ESRRG: variants seen among roughly 807,000 people sequenced by gnomAD.
ESRRG encodes the protein estrogen related receptor gamma.
Under a neutral mutation model 44.0 loss-of-function variants are expected in ESRRG, and 13 were observed. The observed-to-expected ratio is 0.30, with a 90% CI of 0.19 to 0.47. ESRRG has a LOEUF of 0.47. ESRRG is among the 20% of genes least tolerant of loss of function. The pLI is 1.00. For missense variants in ESRRG, 395 were observed against 580.6 expected (o/e 0.68, Z 3.29); for synonymous variants, 215 against 214.6 (o/e 1.00, Z -0.02).
intron 3 of ESRRG, among the ~76,000 whole-genome samples, chr1:216,602,910 C>A (rs941054252): frequency 6.6e-6 from 1 of 152,062 alleles, no homozygotes. Context: ...TAAGACAAAA[C>A]AGTTTTTCAG....
At chr1:216,946,999 A>T (rs1012786210) in intron 1 of ESRRG, among the ~76,000 whole-genome samples, 1 of 151,992 alleles carries the variant, frequency 6.6e-6, no homozygotes, top group Non-Finnish European at 1.5e-5. Context: ...ACCCAGCCTG[A>T]TTTCTTTGCT....
intron 1 of ESRRG, among the ~76,000 whole-genome samples, chr1:216,943,279 C>A (rs956897184): frequency 6.6e-6 from 1 of 152,144 alleles, no homozygotes; most frequent in Non-Finnish European, 1.5e-5. Flanking sequence ...CCTTCACTCA[C>A]AAAGTCAGTG....
In ESRRG at chr1:216,683,665, A is replaced by T. The variant is rs978781305; in HGVS notation, c.57-6174T>A. Among the ~76,000 whole-genome samples the T allele has an allele frequency of 1.6e-3, 250 of 152,314 alleles. 2 individuals carry two copies. The highest frequency in any genetic ancestry group is 6.0e-3 in the African/African-American group (249 of 41,572). On this transcript the variant is annotated intron_variant, in intron 1 of 6. Coordinates refer to ENST00000408911, the MANE Select transcript of ESRRG (RefSeq NM_001438.4). ...GCTGCAAGCAAAAAGGAAATTCAGT[A>T]CAAGTAATCAAGACCTTCAACTCAT...
Position 216,522,336 on chromosome 1 carries a change from C to T in ESRRG, c.863-2915G>A, listed in dbSNP as rs190040983. Among the ~76,000 whole-genome samples, 9 of 116,522 alleles carry T rather than the reference C, an allele frequency of 7.7e-5. No homozygotes were observed. The East Asian group carries it at 2.3e-3, about 30-fold the overall frequency. 76.4% of individuals were successfully genotyped at this position (116,522 alleles called of 152,430 possible). ...TAGCACAAAAGGTTTGACACATTTG[C>T]TTGATTGATATCCTCAAGTATATTT... On this transcript the variant is annotated intron_variant, in intron 5 of 6. Coordinates refer to ENST00000408911, the MANE Select transcript of ESRRG (RefSeq NM_001438.4).
intron 2 of ESRRG, among the ~76,000 whole-genome samples, chr1:216,774,842 G>A (rs1179038947): frequency 8.6e-5 from 11 of 127,210 alleles, no homozygotes. Flanking sequence ...CAACCAGGCT[G>A]GAGTGCTGGA....
chr1:216,628,024 T>C (rs1467019637), intron 3 of ESRRG, among the ~76,000 whole-genome samples: 1 of 152,208 alleles, frequency 6.6e-6, no homozygotes, highest in African/African-American at 2.4e-5. Flanking sequence ...GCGTATGAAC[T>C]ACACAATCAA....
intron 1 of ESRRG, among the ~76,000 whole-genome samples, chr1:216,682,782 C>G (rs1298998073): frequency 6.8e-6 from 1 of 146,504 alleles, no homozygotes; most frequent in African/African-American, 2.5e-5. Context: ...AGTGTTGCAG[C>G]TCCCGGAGGT....
chr1:216,730,845 C>A (rs979587991), intron 2 of ESRRG, among the ~76,000 whole-genome samples: 1 of 152,098 alleles, frequency 6.6e-6, no homozygotes, highest in Non-Finnish European at 1.5e-5. Flanking sequence ...AAGGCCTGCT[C>A]CATGCTATAC....
At chr1:216,669,476 G>A (rs2074691856) in intron 2 of ESRRG, among the ~76,000 whole-genome samples, 1 of 152,210 alleles carries the variant, frequency 6.6e-6, no homozygotes, top group South Asian at 2.1e-4. Context: ...AATAGCAAGA[G>A]TAGAATGATA....
chr1:216,719,303 C>T lies in ESRRG; in HGVS notation c.56+3941G>A, dbSNP rs932444310. 7.2e-5 allele frequency among the ~76,000 whole-genome samples: 11 copies of T among 152,032 alleles called. No homozygotes were observed. In the East Asian group the frequency reaches 1.7e-3, roughly 24 times the overall value. On this transcript the variant is annotated intron_variant, in intron 1 of 6. Coordinates refer to ENST00000408911, the MANE Select transcript of ESRRG (RefSeq NM_001438.4). ...TCTAAAATTAATTGCAAAAGTATGG[C>T]CCGGCTAATGAGATGGTCCTTATCT...
intron 2 of ESRRG, among the ~76,000 whole-genome samples, chr1:216,883,472 T>A (rs561069875): frequency 1.3e-5 from 2 of 148,356 alleles, no homozygotes; most frequent in East Asian, 4.0e-4. Flanking sequence ...AGTTTGAATA[T>A]ACAGGTTACA....
intron 2 of ESRRG, among the ~76,000 whole-genome samples, chr1:216,837,527 G>A (rs986224536): frequency 4.6e-5 from 7 of 152,178 alleles, no homozygotes; most frequent in Admixed American, 3.9e-4. Flanking sequence ...GGGAAGACGG[G>A]AGTCACTGAT....
intron 2 of ESRRG, among the ~76,000 whole-genome samples, chr1:216,751,339 T>C (rs553857753): frequency 6.6e-6 from 1 of 152,220 alleles, no homozygotes; most frequent in Non-Finnish European, 1.5e-5. Flanking sequence ...AGGGACAAAA[T>C]CTTAGGGACT....
intron 2 of ESRRG, among the ~76,000 whole-genome samples, chr1:216,671,759 A>G (rs533800466): frequency 6.6e-6 from 1 of 152,332 alleles, no homozygotes; most frequent in Non-Finnish European, 1.5e-5. Context: ...TGTGGGGGAA[A>G]GAAGAATACT....
chr1:216,595,013 A>T (rs191382573), intron 3 of ESRRG, among the ~76,000 whole-genome samples: 99 of 152,330 alleles, frequency 6.5e-4, no homozygotes, highest in Middle Eastern at 3.4e-3. Context: ...CTATGGCTAG[A>T]GGTGATGTTT....
intron 2 of ESRRG, among the ~76,000 whole-genome samples, chr1:216,877,926 C>T (rs1185750256): frequency 3.0e-4 from 45 of 152,152 alleles, no homozygotes; most frequent in Admixed American, 2.9e-3. Context: ...GATGGACACA[C>T]CAGCTCCTTA....
chr1:216,762,661 T>C (rs1216483241), intron 2 of ESRRG, among the ~76,000 whole-genome samples: 2 of 151,892 alleles, frequency 1.3e-5, no homozygotes, highest in Non-Finnish European at 2.9e-5. Context: ...CATATGTAAC[T>C]AACCTGCATA....
intron 2 of ESRRG, among the ~76,000 whole-genome samples, chr1:216,741,766 A>C (rs1324143536): frequency 6.6e-6 from 1 of 152,204 alleles, no homozygotes; most frequent in Non-Finnish European, 1.5e-5. Flanking sequence ...ATTATGAAAC[A>C]GATGAATTCA....
intron 2 of ESRRG, chr1:216,864,254 T>G (rs1170721699): frequency 6.6e-6 from 1 of 151,766 alleles, no homozygotes; most frequent in Non-Finnish European, 1.5e-5. Flanking sequence ...ACTCATGCAT[T>G]TGACATAGTT....
Sources: gnomAD v4.1 joint callset for allele counts (sites outside exome capture counted in the v4.1 genomes callset) on GRCh38, gnomAD v4.1.1 for gene constraint, MANE v1.5 for transcripts, NCBI Gene and HGNC (gene_info 2026-07-23, HGNC 2026-07-21) for gene names.